Variants in EP400 observed in about 807,000 individuals in gnomAD.
The protein encoded by EP400 is E1A binding protein p400, also known as E1A-binding protein p400.
In EP400, 105 loss-of-function variants were observed where a neutral mutation model predicts 354.1. The ratio of observed to expected loss-of-function variants is 0.30; its 90% CI spans 0.25 to 0.35. The LOEUF (loss-of-function observed/expected upper bound fraction) is 0.35, where lower values mean the gene tolerates loss of function less well. Ranked by LOEUF, EP400 falls within the 10% of genes least tolerant of loss-of-function variation. The pLI, the probability that EP400 is intolerant of heterozygous loss-of-function variation, is 1.00. For missense variants in EP400, 3,280 were observed against 4,121.0 expected, an observed-to-expected ratio of 0.80 and a Z score of 5.59; for synonymous variants, 1,646 against 1,716.9, an observed-to-expected ratio of 0.96 and a Z score of 1.02.
At chr12:132,073,909 G>GT (rs1406280269) in intron 51 of EP400, among the ~76,000 whole-genome samples, 1 of 83,800 alleles carries the variant, frequency 1.2e-5, no homozygotes, top group Non-Finnish European at 2.4e-5. Flanking sequence ...GATTGGCATT[G>GT]TTTTTTGGGG....
Position 131,985,701 on chromosome 12 carries a change from G to C in EP400, c.1930-813G>C, listed in dbSNP as rs191303852. ...CAGCTCACCACAACCTCCGCCTCTTGGGTTTAAGCAATTCTCCTGCTTCAG... is the reference window on the plus strand; with the variant it reads ...CAGCTCACCACAACCTCCGCCTCTTCGGTTTAAGCAATTCTCCTGCTTCAG... On this transcript the variant is annotated intron_variant, in intron 5 of 52. Coordinates refer to ENST00000389561, the MANE Select transcript of EP400 (RefSeq NM_015409.5). 5.3e-5 allele frequency among the ~76,000 whole-genome samples: 8 copies of C among 152,294 alleles called. No individual in the cohort carries two copies. In the East Asian group the frequency reaches 1.5e-3, roughly 29 times the overall value.
In EP400 at chr12:132,018,820, C is replaced by T. The variant is rs770456282; in HGVS notation, c.4277+444C>T. 3.3e-5 allele frequency among the ~76,000 whole-genome samples: 5 copies of T among 152,068 alleles called. No homozygotes were observed. Among genetic ancestry groups the T allele is most frequent in the East Asian group, 1.9e-4 (1 of 5,176 alleles). ...GTCATGAGGCTGGGAGGGACAGACA[C>T]GTTAGATGATTAAAACGAGATATAA... On this transcript the variant is annotated intron_variant, in intron 21 of 52. Coordinates refer to ENST00000389561, the MANE Select transcript of EP400 (RefSeq NM_015409.5). The surrounding 1 kb of genome is among the most constrained non-coding windows in gnomAD (Gnocchi z 4.0).
chr12:131,988,768 T>G (rs1348423714), intron 7 of EP400, among the ~76,000 whole-genome samples: 1 of 152,168 alleles, frequency 6.6e-6, no homozygotes, highest in Non-Finnish European at 1.5e-5. Flanking sequence ...CTCATTACTG[T>G]GTCGCTGCCT....
chr12:131,990,145 G>A lies in EP400; in HGVS notation c.2550+41G>A, dbSNP rs1892983636. 1.3e-6 allele frequency: 2 copies of A among 1,570,446 alleles called. No homozygotes were observed. The highest frequency in any genetic ancestry group is 1.7e-6 in the Non-Finnish European group (2 of 1,163,046). On this transcript the variant is annotated intron_variant, in intron 8 of 52. Transcript: ENST00000389561. This position sits in a 1 kb window ranked among gnomAD's most constrained non-coding sequence, Gnocchi z 4.2. ...GTCATGGGGTCGTAAGAATCAGTCT[G>A]TCGGAGCTGGTGAGGCCACTTCCCG...
chr12:131,951,091 G>GTTTTTTTTTTTT (rs1891468539), intron 1 of EP400, among the ~76,000 whole-genome samples: 1 of 134,738 alleles, frequency 7.4e-6, no homozygotes, highest in Non-Finnish European at 1.6e-5. Context: ...TTTTTTTTTG[G>GTTTTTTTTTTTT]ATTTTTAGTA....
intron 45 of EP400, among the ~76,000 whole-genome samples, 187 bp from the exon 46 acceptor site, chr12:132,061,923 C>T (rs1895708324): frequency 6.6e-6 from 1 of 152,224 alleles, no homozygotes; most frequent in African/African-American, 2.4e-5. Flanking sequence ...TGGGAGAAAC[C>T]ATTGCTCAGG....
chr12:132,033,828 G>A (rs1565923352), intron 30 of EP400, among the ~76,000 whole-genome samples: 2 of 152,134 alleles, frequency 1.3e-5, no homozygotes, highest in Non-Finnish European at 2.9e-5. Context: ...CACTGCACCC[G>A]GCCAACCATT....
At chr12:131,986,888 G>A (rs1401372610) in intron 6 of EP400, 81 bp downstream of exon 6, 19 of 1,473,532 alleles carry the variant, frequency 1.3e-5, no homozygotes, top group Middle Eastern at 3.6e-4. Flanking sequence ...ATGTGATGGC[G>A]TAAAACCGAA....
chr12:132,062,084 T>G, intron 45 of EP400, 26 bp from the exon 46 acceptor site: 3 of 1,598,936 alleles, frequency 1.9e-6, no homozygotes, highest in Non-Finnish European at 2.6e-6. Flanking sequence ...AAATATTTGA[T>G]GAGGTCCTCT....
At chr12:132,066,655 T>C in intron 48 of EP400, 119 bp from the exon 49 acceptor site, 1 of 1,128,862 alleles carries the variant, frequency 8.9e-7, no homozygotes, top group Non-Finnish European at 1.3e-6. Context: ...GTTGGGCCAC[T>C]TTAAACTTTG....
rs529912401 is a variant in EP400 at position 131,992,060 on chromosome 12, C to T, written c.2680-113C>T. 20 of 1,111,444 alleles carry T rather than the reference C, an allele frequency of 1.8e-5. No homozygotes were observed. In the Admixed American group the frequency reaches 3.3e-4, roughly 18 times the overall value. 68.8% of individuals were successfully genotyped at this position (1,111,444 alleles called of 1,614,324 possible). ...ACCCCAAATGGAGGCTGAGGGCAGC[C>T]TAGCAGGCTTGCCCCGGGGCTCCCC... On this transcript the variant is annotated intron_variant, in intron 10 of 52. Transcript: ENST00000389561.
intron 19 of EP400, among the ~76,000 whole-genome samples, chr12:132,015,638 G>A (rs987753141): frequency 2.6e-5 from 4 of 152,182 alleles, no homozygotes; most frequent in African/African-American, 2.4e-5. Context: ...GGGAAAGCAC[G>A]TCTTATTCTG....
chr12:132,033,602 G>A (rs1482798941), intron 30 of EP400, among the ~76,000 whole-genome samples: 2 of 151,674 alleles, frequency 1.3e-5, no homozygotes, highest in East Asian at 3.9e-4. Flanking sequence ...CATGATCTTG[G>A]CTCACTGACG....
At chr12:131,971,201 C>T (rs1046144554) in intron 2 of EP400, among the ~76,000 whole-genome samples, 1 of 151,854 alleles carries the variant, frequency 6.6e-6, no homozygotes, top group African/African-American at 2.4e-5. Flanking sequence ...AATACCCTGT[C>T]TCTTAAAAAA....
chr12:132,028,004 C>G lies in EP400; in HGVS notation c.5110-13C>G. 6.2e-7 allele frequency: 1 copy of G among 1,607,136 alleles called. No individual in the cohort carries two copies. The highest frequency in any genetic ancestry group is 8.5e-7 in the Non-Finnish European group (1 of 1,174,458). Reference sequence around the variant, plus strand: ...TTTCTCAAGTAACTGTTTTTCATCACTTTTTGATAAAGGAGGAAAAGACCA... The same window carrying G: ...TTTCTCAAGTAACTGTTTTTCATCAGTTTTTGATAAAGGAGGAAAAGACCA... On this transcript the variant is annotated splice_polypyrimidine_tract_variant and intron_variant, in intron 26 of 52. Coordinates refer to ENST00000389561, the MANE Select transcript of EP400 (RefSeq NM_015409.5).
intron 2 of EP400, among the ~76,000 whole-genome samples, chr12:131,966,628 G>A (rs1432293248): frequency 6.7e-6 from 1 of 150,264 alleles, no homozygotes; most frequent in Non-Finnish European, 1.5e-5. Context: ...ATTAGGCCGG[G>A]CGTGGTAGCT....
At chr12:131,954,345 G>A (rs1429798438) in intron 1 of EP400, among the ~76,000 whole-genome samples, 1 of 152,000 alleles carries the variant, frequency 6.6e-6, no homozygotes, top group Non-Finnish European at 1.5e-5. Flanking sequence ...CCAGCACTTT[G>A]GGAGATTAAG....
Position 132,052,171 on chromosome 12 carries a change from A to G in EP400, c.7395-975A>G, listed in dbSNP as rs973021663. Among the ~76,000 whole-genome samples, 2 of 152,344 alleles carry G rather than the reference A, an allele frequency of 1.3e-5. No individual in the cohort carries two copies. Among genetic ancestry groups the G allele is most frequent in the South Asian group, 2.1e-4 (1 of 4,828 alleles). ...TCTAAGATCTATATCTGGTATAACTATTCTTGTTTTATATTTTATTATACT... is the reference window on the plus strand; with the variant it reads ...TCTAAGATCTATATCTGGTATAACTGTTCTTGTTTTATATTTTATTATACT... On this transcript the variant is annotated intron_variant, in intron 41 of 52. Transcript: ENST00000389561. The surrounding 1 kb of genome is among the most constrained non-coding windows in gnomAD (Gnocchi z 4.4).
chr12:131,990,131 G>A lies in EP400; in HGVS notation c.2550+27G>A, dbSNP rs757236065. The A allele has an allele frequency of 1.5e-5, 23 of 1,582,616 alleles. No homozygotes were observed. The highest frequency in any genetic ancestry group is 1.4e-4 in the East Asian group (6 of 44,412). On this transcript the variant is annotated intron_variant, in intron 8 of 52. Coordinates refer to ENST00000389561, the MANE Select transcript of EP400 (RefSeq NM_015409.5). The surrounding 1 kb of genome is among the most constrained non-coding windows in gnomAD (Gnocchi z 4.2). ...CGAGTGCTGCCGTTGTCATGGGGTC[G>A]TAAGAATCAGTCTGTCGGAGCTGGT... is the stretch of plus-strand genomic sequence containing the variant.
Sources: gnomAD v4.1 joint callset for allele counts (sites outside exome capture counted in the v4.1 genomes callset) on GRCh38, gnomAD v4.1.1 for gene constraint, Gnocchi (gnomAD v3.1) non-coding constraint, MANE v1.5 for transcripts, NCBI Gene and HGNC (gene_info 2026-07-23, HGNC 2026-07-21) for gene names.